Variants in MGAT5B observed in about 807,000 individuals in gnomAD.
The protein encoded by MGAT5B is alpha-1,6-mannosylglycoprotein 6-beta-N-acetylglucosaminyltransferase B.
MGAT5B carries 54 observed loss-of-function variants against 95.1 expected under a neutral mutation model. The observed-to-expected ratio is 0.57, with a 90% CI of 0.46 to 0.71. The LOEUF (loss-of-function observed/expected upper bound fraction) is 0.71, where lower values mean the gene tolerates loss of function less well. Ranked by LOEUF, MGAT5B falls within the 30% of genes least tolerant of loss-of-function variation. The pLI is 0.00. For missense variants in MGAT5B, 935 were observed against 1,088.6 expected (o/e 0.86, Z 1.99); for synonymous variants, 464 against 451.0 (o/e 1.03, Z -0.36).
intron 3 of MGAT5B, among the ~76,000 whole-genome samples, chr17:76,884,863 A>G (rs1269493756): frequency 6.6e-6 from 1 of 151,998 alleles, no homozygotes; most frequent in Non-Finnish European, 1.5e-5. Context: ...CGGCTTCCCA[A>G]AGTGCTGGGA....
At chr17:76,908,942 G>A (rs1007915505) in intron 8 of MGAT5B, among the ~76,000 whole-genome samples, 4 of 151,946 alleles carry the variant, frequency 2.6e-5, no homozygotes, top group Admixed American at 2.6e-4. Context: ...GAGTAGCTGG[G>A]ATTACAGGCG....
chr17:76,871,698 G>A (rs954959391), intron 1 of MGAT5B, among the ~76,000 whole-genome samples: 1 of 152,152 alleles, frequency 6.6e-6, no homozygotes, highest in African/African-American at 2.4e-5. Flanking sequence ...GGCAAGGCCC[G>A]GAGGTCTCTG....
intron 2 of MGAT5B, among the ~76,000 whole-genome samples, chr17:76,876,827 C>T (rs1003055361): frequency 6.6e-6 from 1 of 152,202 alleles, no homozygotes; most frequent in Non-Finnish European, 1.5e-5. Flanking sequence ...TGACTTCTTT[C>T]CCTCTTGCTG....
At chr17:76,904,861 C>T (rs893503258) in intron 6 of MGAT5B, among the ~76,000 whole-genome samples, 10 of 152,310 alleles carry the variant, frequency 6.6e-5, no homozygotes, top group East Asian at 1.9e-4. Context: ...CCCCTGCCAT[C>T]GGAGTCCTGG....
chr17:76,873,507 C>T (rs1967078226), intron 2 of MGAT5B, among the ~76,000 whole-genome samples: 1 of 152,240 alleles, frequency 6.6e-6, no homozygotes, highest in South Asian at 2.1e-4. Context: ...TTGTCATCAC[C>T]TACCAGCTGT....
chr17:76,925,188 C>A, intron 9 of MGAT5B, 91 bp downstream of exon 9: 3 of 1,532,364 alleles, frequency 2.0e-6, no homozygotes, highest in Non-Finnish European at 2.7e-6. Context: ...CCCACTCAGC[C>A]AGCTGGGCCC....
At chr17:76,937,426 A>C (rs1200661924) in intron 12 of MGAT5B, among the ~76,000 whole-genome samples, 1 of 151,596 alleles carries the variant, frequency 6.6e-6, no homozygotes, top group Admixed American at 6.6e-5. Context: ...GGATGAGTGG[A>C]TGGGTGGATG....
intron 8 of MGAT5B, among the ~76,000 whole-genome samples, chr17:76,910,333 T>A (rs1968690656): frequency 6.6e-6 from 1 of 152,234 alleles, no homozygotes; most frequent in African/African-American, 2.4e-5. Flanking sequence ...CGATGCTGTC[T>A]GTGGAGCAGA....
At chr17:76,936,616 A>G (rs1393555635) in intron 12 of MGAT5B, among the ~76,000 whole-genome samples, 1 of 152,188 alleles carries the variant, frequency 6.6e-6, no homozygotes, top group Non-Finnish European at 1.5e-5. Flanking sequence ...TTTTGCATGA[A>G]CTTTTACATA....
intron 15 of MGAT5B, among the ~76,000 whole-genome samples, chr17:76,944,690 A>G (rs1969980486): frequency 6.6e-6 from 1 of 152,186 alleles, no homozygotes; most frequent in Non-Finnish European, 1.5e-5. Flanking sequence ...GGGGGACGTC[A>G]GTGCTGGGGC....
At chr17:76,921,614 G>T (rs770388137) in intron 8 of MGAT5B, among the ~76,000 whole-genome samples, 1 of 152,094 alleles carries the variant, frequency 6.6e-6, no homozygotes, top group African/African-American at 2.4e-5. Flanking sequence ...GTGGGCCTGT[G>T]CTGGAGAGGC....
In MGAT5B at chr17:76,932,721, C is replaced by G. The variant is rs780443392; in HGVS notation, c.1368C>G (p.Gly456=). ...LNETEKRLIK[G]GKASNMAVVY... ...AGACGGAGAAGCGGCTCATCAAAGG[C>G]GGCAAGGCCAGCAACATGGCCGTGG... is the stretch of plus-strand genomic sequence containing the variant. Residue 456 remains glycine, a synonymous_variant, in exon 11 of 18, where the codon GGC becomes GGG. Transcript: ENST00000569840. 8.1e-6 allele frequency: 13 copies of G among 1,613,958 alleles called. No homozygotes were observed. Among genetic ancestry groups the G allele is most frequent in the Admixed American group, 6.7e-5 (4 of 60,004 alleles).
chr17:76,909,235 A>T (rs1332669801), intron 8 of MGAT5B, among the ~76,000 whole-genome samples: 4 of 152,200 alleles, frequency 2.6e-5, no homozygotes, highest in Non-Finnish European at 5.9e-5. Flanking sequence ...AAGTGCTGGG[A>T]TTACAGGCAT....
Position 76,940,638 on chromosome 17 carries a change from A to C in MGAT5B, c.1731+90A>C. The C allele has an allele frequency of 6.3e-7, 1 of 1,585,974 alleles. No homozygotes were observed. Among genetic ancestry groups the C allele is most frequent in the Non-Finnish European group, 8.6e-7 (1 of 1,162,454 alleles). On this transcript the variant is annotated intron_variant, in intron 14 of 17. Coordinates refer to ENST00000569840, the MANE Select transcript of MGAT5B (RefSeq NM_001199172.2). The surrounding 1 kb of genome is among the most constrained non-coding windows in gnomAD (Gnocchi z 4.3). ...GAAGAGGCAGACTGAGATGTGGGGC[A>C]AAAGGAGATAGGACAAGTGTATGGG...
intron 3 of MGAT5B, among the ~76,000 whole-genome samples, chr17:76,898,485 C>A (rs1316012134): frequency 6.6e-6 from 1 of 151,818 alleles, no homozygotes; most frequent in East Asian, 1.9e-4. Flanking sequence ...CGCACCACCA[C>A]ACCCGGCTAA....
chr17:76,903,453 C>A, intron 5 of MGAT5B, 77 bp downstream of exon 5: 1 of 1,288,272 alleles, frequency 7.8e-7, no homozygotes, highest in East Asian at 2.6e-5. Flanking sequence ...CACCCAGGCA[C>A]AAGCTGGCAG....
intron 12 of MGAT5B, 137 bp downstream of exon 12, chr17:76,933,434 A>C (rs976475941): frequency 8.8e-7 from 1 of 1,141,498 alleles, no homozygotes; most frequent in Non-Finnish European, 1.3e-6. Flanking sequence ...GGATGGACCA[A>C]GGTGGGGAAG....
chr17:76,921,449 GCCC>G (rs954062340), intron 8 of MGAT5B, among the ~76,000 whole-genome samples: 1 of 152,094 alleles, frequency 6.6e-6, no homozygotes, highest in Non-Finnish European at 1.5e-5. Flanking sequence ...TCAGCAGGGG[GCCC>G]CTTTTCCTGC....
intron 3 of MGAT5B, among the ~76,000 whole-genome samples, chr17:76,895,547 G>C (rs1256834550): frequency 1.3e-5 from 2 of 152,176 alleles, no homozygotes; most frequent in Admixed American, 6.5e-5. Flanking sequence ...GGCAGTGCTA[G>C]GGAAGGATCT....
Sources: gnomAD v4.1 joint callset for allele counts (sites outside exome capture counted in the v4.1 genomes callset) on GRCh38, gnomAD v4.1.1 for gene constraint, Gnocchi (gnomAD v3.1) non-coding constraint, MANE v1.5 for transcripts, NCBI Gene and HGNC (gene_info 2026-07-23, HGNC 2026-07-21) for gene names.